TRERF1: variants seen among roughly 807,000 people sequenced by gnomAD.
TRERF1 encodes transcriptional regulating factor 1.
TRERF1 carries 27 observed loss-of-function variants against 122.9 expected under a neutral mutation model. The observed-to-expected ratio is 0.22, with a 90% CI of 0.16 to 0.30. The LOEUF is 0.30. Among genes scored for constraint, TRERF1 ranks in the 10% least tolerant of loss-of-function variants. The pLI is 1.00. For missense variants in TRERF1, 1,248 were observed against 1,560.3 expected (o/e 0.80, Z 3.37); for synonymous variants, 636 against 641.7 (o/e 0.99, Z 0.13).
chr6:42,276,570 C>T lies in TRERF1; in HGVS notation c.-258-6722G>A, dbSNP rs1781187843. On this transcript the variant is annotated intron_variant, in intron 4 of 17. Coordinates refer to ENST00000372922, the Ensembl canonical transcript of TRERF1. This position sits in a 1 kb window ranked among gnomAD's most constrained non-coding sequence, Gnocchi z 4.3. ...GGGCGGCTCTCCAGGATGTGGGCCG[C>T]AGTTCGCCGTCTTCTTTTTAGCACC... 6.6e-6 allele frequency among the ~76,000 whole-genome samples: 1 copy of T among 152,218 alleles called. No homozygotes were observed. The highest frequency in any genetic ancestry group is 6.5e-5 in the Admixed American group (1 of 15,286).
chr6:42,401,624 T>C (rs1779401815), intron 2 of TRERF1, among the ~76,000 whole-genome samples: 1 of 152,190 alleles, frequency 6.6e-6, no homozygotes, highest in Admixed American at 6.5e-5. Context: ...CAGAGCCTGC[T>C]TGCAGAGAAC....
At chr6:42,318,804 A>G (rs1285693417) in intron 3 of TRERF1, among the ~76,000 whole-genome samples, 1 of 152,278 alleles carries the variant, frequency 6.6e-6, no homozygotes, top group Non-Finnish European at 1.5e-5. Context: ...TGGTCCTTGA[A>G]GACAACATTG....
At chr6:42,247,248 A>C (rs1774965877) in intron 13 of TRERF1, among the ~76,000 whole-genome samples, 1 of 152,244 alleles carries the variant, frequency 6.6e-6, no homozygotes, top group East Asian at 1.9e-4. Context: ...CAGGATGTGC[A>C]AAGTCAGAGG....
At chr6:42,449,655 C>T (rs1259144241) in intron 2 of TRERF1, among the ~76,000 whole-genome samples, 2 of 152,170 alleles carry the variant, frequency 1.3e-5, no homozygotes, top group African/African-American at 4.8e-5. Flanking sequence ...AACAACCAGA[C>T]TCAGATTTTC....
chr6:42,278,089 T>C (rs1022065078), intron 4 of TRERF1, among the ~76,000 whole-genome samples: 4 of 152,240 alleles, frequency 2.6e-5, no homozygotes, highest in Admixed American at 2.6e-4. Context: ...ATCCAGATAA[T>C]TGAAGCGAAG....
At chr6:42,299,139 T>TCTATCTATCTAA (rs1561939031) in intron 4 of TRERF1, among the ~76,000 whole-genome samples, 1 of 114,058 alleles carries the variant, frequency 8.8e-6, no homozygotes, top group Non-Finnish European at 1.8e-5. Flanking sequence ...TCTATCTACA[T>TCTATCTATCTAA]ATATATATAT....
chr6:42,446,050 G>C (rs763524974), intron 2 of TRERF1, among the ~76,000 whole-genome samples: 13 of 152,212 alleles, frequency 8.5e-5, no homozygotes, highest in Non-Finnish European at 1.6e-4. Context: ...AAGTAGCTGG[G>C]ATCACAGGCA....
At chr6:42,447,212 T>G (rs1304845070) in intron 2 of TRERF1, among the ~76,000 whole-genome samples, 4 of 152,194 alleles carry the variant, frequency 2.6e-5, no homozygotes, top group African/African-American at 7.2e-5. Context: ...GAATCATCTG[T>G]TTCTTCAGTA....
At position 42,333,293 on chromosome 6, in the gene TRERF1, A is replaced by T. The variant is rs898374022; in HGVS notation, c.-371+29704T>A. 5.3e-5 allele frequency among the ~76,000 whole-genome samples: 8 copies of T among 152,236 alleles called. No individual in the cohort carries two copies. In the East Asian group the frequency reaches 1.5e-3, roughly 29 times the overall value. ...TTCTGGGATTTCAAATAAATTGGAG[A>T]GCTTGGGTCAAATGATGTTTTAGGG... On this transcript the variant is annotated intron_variant, in intron 3 of 17. Coordinates refer to ENST00000372922, the Ensembl canonical transcript of TRERF1.
At chr6:42,307,291 G>A (rs113831481) in intron 3 of TRERF1, among the ~76,000 whole-genome samples, 1,629 of 152,138 alleles carry the variant, frequency 0.011, 25 homozygotes, top group African/African-American at 0.036. Flanking sequence ...CTCCCCACAC[G>A]GCCTCCTCCC....
intron 3 of TRERF1, among the ~76,000 whole-genome samples, chr6:42,348,532 C>T (rs561048728): frequency 1.3e-4 from 20 of 152,238 alleles, no homozygotes; most frequent in Admixed American, 1.2e-3. Flanking sequence ...GGATTACAGG[C>T]GTGAGCCATC....
At chr6:42,324,517 A>G (rs1763963668) in intron 3 of TRERF1, among the ~76,000 whole-genome samples, 1 of 152,246 alleles carries the variant, frequency 6.6e-6, no homozygotes, top group Admixed American at 6.5e-5. Flanking sequence ...ACAAGGCTAT[A>G]GTAACCAAAA....
Position 42,408,210 on chromosome 6 carries a change from A to AATATATATAT in TRERF1, c.-454+42957_-454+42966dup, listed in dbSNP as rs34821629. 7.5e-3 allele frequency among the ~76,000 whole-genome samples: 802 copies of AATATATATAT among 107,022 alleles called. 17 individuals carry two copies. The highest frequency in any genetic ancestry group is 0.011 in the South Asian group (34 of 3,086). The allele number at this position is 107,022 out of a possible 152,430, so 70.2% of individuals were successfully genotyped here. On this transcript the variant is annotated intron_variant, in intron 2 of 17. Coordinates refer to ENST00000372922, the Ensembl canonical transcript of TRERF1. Reference sequence around the variant, plus strand: ...TTCCATTAACTTCGCTATATAAATAAATATATATATATATATATGTGTGTG... The same window carrying AATATATATAT: ...TTCCATTAACTTCGCTATATAAATAAATATATATATATATATATATATATATATGTGTGTG...
At chr6:42,414,101 C>T (rs147159312) in intron 2 of TRERF1, among the ~76,000 whole-genome samples, 151 of 152,184 alleles carry the variant, frequency 9.9e-4, no homozygotes, top group African/African-American at 3.4e-3. Flanking sequence ...ATCAACAGGG[C>T]GGTACTTAAA....
At chr6:42,226,274 G>A (rs1383324784) in exon 18 of TRERF1, 1 of 152,170 alleles carries the variant, frequency 6.6e-6, no homozygotes, top group Non-Finnish European at 1.5e-5. Flanking sequence ...CTAAACAGAG[G>A]CAATACATTT....
rs574417260 is a variant in TRERF1 at position 42,241,467 on chromosome 6, A to G, written c.2859+1781T>C. On this transcript the variant is annotated intron_variant, in intron 15 of 17. Transcript: ENST00000372922. ...AGGCTTTGAAGCATTAATGAGTCCAATTTTTTTTTTTCAGATGGAGTTTTG... is the reference window on the plus strand; with the variant it reads ...AGGCTTTGAAGCATTAATGAGTCCAGTTTTTTTTTTTCAGATGGAGTTTTG... 7.4e-5 allele frequency among the ~76,000 whole-genome samples: 11 copies of G among 148,482 alleles called. No individual in the cohort carries two copies. In the East Asian group the frequency reaches 1.6e-3, roughly 21 times the overall value.
intron 2 of TRERF1, among the ~76,000 whole-genome samples, chr6:42,377,743 C>G (rs1016755393): frequency 6.6e-6 from 1 of 152,160 alleles, no homozygotes; most frequent in Non-Finnish European, 1.5e-5. Context: ...AGGATAGCAG[C>G]CCTGAATCTC....
chr6:42,440,663 A>G (rs74614402), intron 2 of TRERF1, among the ~76,000 whole-genome samples: 8,052 of 152,248 alleles, frequency 0.053, 546 homozygotes, highest in African/African-American at 0.15. Context: ...ACAATATGTT[A>G]CCAAAATTCT....
chr6:42,414,738 T>G (rs1190275786), intron 2 of TRERF1, among the ~76,000 whole-genome samples: 1 of 152,372 alleles, frequency 6.6e-6, no homozygotes, highest in East Asian at 1.9e-4. Context: ...ATTCTTTTGT[T>G]TCACACGGTG....
Sources: gnomAD v4.1 joint callset for allele counts (sites outside exome capture counted in the v4.1 genomes callset) on GRCh38, gnomAD v4.1.1 for gene constraint, Gnocchi (gnomAD v3.1) non-coding constraint, MANE v1.5 for transcripts, NCBI Gene and HGNC (gene_info 2026-07-23, HGNC 2026-07-21) for gene names.